SIPA1L1: variants seen among roughly 807,000 people sequenced by gnomAD.
SIPA1L1 encodes the protein signal induced proliferation associated 1 like 1.
A neutral mutation model predicts 162.7 loss-of-function variants in SIPA1L1; 26 were observed. The observed-to-expected ratio is 0.16, with a 90% confidence interval of 0.12 to 0.22. SIPA1L1 has a LOEUF of 0.22. Among genes scored for constraint, SIPA1L1 ranks in the 10% least tolerant of loss-of-function variants. The pLI is 1.00. For synonymous variants in SIPA1L1, 829 were observed against 837.4 expected (o/e 0.99, Z 0.17); for missense variants, 1,874 against 2,241.0 (o/e 0.84, Z 3.31).
intron 8 of SIPA1L1, among the ~76,000 whole-genome samples, chr14:71,651,266 A>T (rs1040974858): frequency 6.6e-5 from 10 of 152,306 alleles, no homozygotes; most frequent in African/African-American, 2.4e-4. Context: ...TCATCCATAG[A>T]CACCTGTGAC....
In SIPA1L1 at chr14:71,740,755, G is replaced by A. The variant is rs1337045533; in HGVS notation, c.*1594G>A. 4 of 151,928 alleles carry A rather than the reference G, an allele frequency of 2.6e-5. No homozygotes were observed. The highest frequency in any genetic ancestry group is 2.1e-4 in the South Asian group (1 of 4,810). The allele number at this position is 151,928 out of a possible 1,614,324, so 9.4% of individuals were successfully genotyped here. A position where few individuals can be genotyped will look rare whatever the true frequency, so the allele number is the denominator to read the frequency against. ...TCTATCATGGAAATAGGAAGATTTC[G>A]GAGTGCTTTGTGAAGATTTCAATTG... On this transcript the variant is annotated 3_prime_UTR_variant, in exon 24 of 24. Transcript: ENST00000381232.
intron 3 of SIPA1L1, among the ~76,000 whole-genome samples, chr14:71,524,776 C>T (rs2052695074): frequency 6.6e-6 from 1 of 152,168 alleles, no homozygotes; most frequent in Non-Finnish European, 1.5e-5. Context: ...TGTCCTTGTA[C>T]GTCACACTCT....
Position 71,671,205 on chromosome 14 carries a change from G to A in SIPA1L1, c.2342G>A (p.Arg781Lys). 1 of 1,614,190 alleles carries A rather than the reference G, an allele frequency of 6.2e-7. No homozygotes were observed. The highest frequency in any genetic ancestry group is 8.5e-7 in the Non-Finnish European group (1 of 1,180,040). ...ACTTTCCCTAAGTCAAATGTGTTCAGGGACTTCCTTTTGGCGAAAGTGATT... is the reference window on the plus strand; with the variant it reads ...ACTTTCCCTAAGTCAAATGTGTTCAAGGACTTCCTTTTGGCGAAAGTGATT... ...GVTFPKSNVF[R>K]DFLLAKVINA... The change falls in exon 11 of 24, where the codon AGG (arginine) becomes AAG (lysine). Residue 781 changes from arginine (R) to lysine (K), a missense_variant. Coordinates refer to ENST00000381232, the MANE Select transcript of SIPA1L1 (RefSeq NM_001386936.1).
At chr14:71,591,956 A>C (rs933010278) in intron 5 of SIPA1L1, among the ~76,000 whole-genome samples, 4 of 152,222 alleles carry the variant, frequency 2.6e-5, no homozygotes, top group African/African-American at 9.6e-5. Flanking sequence ...TTTTGTACTC[A>C]TATTTCATCA....
chr14:71,362,648 TC>T (rs1380897418), intron 2 of SIPA1L1, among the ~76,000 whole-genome samples: 1 of 152,210 alleles, frequency 6.6e-6, no homozygotes, highest in African/African-American at 2.4e-5. Context: ...ATTAATTATT[TC>T]CCCCTTTTCA....
At chr14:71,490,464 G>A (rs2049151382) in intron 2 of SIPA1L1, among the ~76,000 whole-genome samples, 1 of 152,100 alleles carries the variant, frequency 6.6e-6, no homozygotes, top group South Asian at 2.1e-4. Context: ...GACTAACTGT[G>A]TCTAAATTTT....
intron 2 of SIPA1L1, among the ~76,000 whole-genome samples, chr14:71,422,336 A>G (rs544200377): frequency 6.6e-6 from 1 of 152,344 alleles, no homozygotes; most frequent in African/African-American, 2.4e-5. Flanking sequence ...CAATACATAT[A>G]ACATCTTAAC....
chr14:71,554,610 T>C (rs1406227625), intron 4 of SIPA1L1, among the ~76,000 whole-genome samples: 1 of 152,164 alleles, frequency 6.6e-6, no homozygotes, highest in Non-Finnish European at 1.5e-5. Flanking sequence ...AACTTCTATA[T>C]TGATAAGAAA....
chr14:71,716,250 C>A (rs1175037649), intron 17 of SIPA1L1, among the ~76,000 whole-genome samples: 4 of 152,144 alleles, frequency 2.6e-5, no homozygotes, highest in African/African-American at 2.4e-5. Context: ...TGGGAGGAGT[C>A]CTCCTTAATC....
chr14:71,502,255 A>AAAAAAAAT (rs67020418), intron 2 of SIPA1L1, among the ~76,000 whole-genome samples: 7 of 97,558 alleles, frequency 7.2e-5, no homozygotes, highest in African/African-American at 3.2e-4. Context: ...AAAAAAAAAA[A>AAAAAAAAT]ATATATATAT....
intron 4 of SIPA1L1, among the ~76,000 whole-genome samples, chr14:71,571,470 T>TA (rs1186490508): frequency 2.6e-5 from 4 of 151,782 alleles, no homozygotes; most frequent in East Asian, 1.9e-4. Context: ...CAGATGATCC[T>TA]AAAAAAAATC....
rs566055345 is a variant in SIPA1L1 at position 71,569,165 on chromosome 14, A to G, written c.-302-18406A>G. 1.2e-4 allele frequency among the ~76,000 whole-genome samples: 19 copies of G among 152,310 alleles called. 1 individual carries two copies. The East Asian group carries it at 3.7e-3, about 29-fold the overall frequency. ...ATAAAAAAAATGTATGAAGACAGGTAAGGGGGAAAGACATAGGAGCAGATT... is the reference window on the plus strand; with the variant it reads ...ATAAAAAAAATGTATGAAGACAGGTGAGGGGGAAAGACATAGGAGCAGATT... On this transcript the variant is annotated intron_variant, in intron 4 of 23. Transcript: ENST00000381232.
chr14:71,657,654 T>C (rs2149196717), intron 8 of SIPA1L1, among the ~76,000 whole-genome samples: 1 of 149,084 alleles, frequency 6.7e-6, no homozygotes. Flanking sequence ...TCAGTGTTAA[T>C]GGTCTTGTTA....
chr14:71,382,812 G>GAAACTAT (rs2040013176), intron 2 of SIPA1L1, among the ~76,000 whole-genome samples: 1 of 152,220 alleles, frequency 6.6e-6, no homozygotes, highest in Non-Finnish European at 1.5e-5. Flanking sequence ...GGAAGACCAA[G>GAAACTAT]ATCAGTAAGA....
At chr14:71,677,906 G>A (rs1460299126) in intron 12 of SIPA1L1, among the ~76,000 whole-genome samples, 3 of 152,138 alleles carry the variant, frequency 2.0e-5, no homozygotes, top group Non-Finnish European at 2.9e-5. Flanking sequence ...GTCAAATAGC[G>A]TGATGCCTCC....
intron 2 of SIPA1L1, among the ~76,000 whole-genome samples, chr14:71,409,139 A>C (rs2042229461): frequency 6.6e-6 from 1 of 152,236 alleles, no homozygotes; most frequent in South Asian, 2.1e-4. Context: ...ATCTGTAAGT[A>C]ATATATTCTT....
intron 2 of SIPA1L1, among the ~76,000 whole-genome samples, chr14:71,332,211 A>G (rs1161983552): frequency 6.6e-6 from 1 of 152,170 alleles, no homozygotes; most frequent in Non-Finnish European, 1.5e-5. Flanking sequence ...GGAGTAATTT[A>G]TTCACTTTTC....
intron 2 of SIPA1L1, among the ~76,000 whole-genome samples, chr14:71,492,991 C>A (rs1373338012): frequency 1.3e-5 from 2 of 152,228 alleles, no homozygotes; most frequent in South Asian, 4.1e-4. Flanking sequence ...TCTGGGATCT[C>A]TTTTACTTAT....
At chr14:71,603,491 C>T (rs1259469133) in intron 5 of SIPA1L1, among the ~76,000 whole-genome samples, 1 of 151,916 alleles carries the variant, frequency 6.6e-6, no homozygotes, top group African/African-American at 2.4e-5. Flanking sequence ...CAGATGCTTA[C>T]TCTGTTATTT....
Sources: allele counts gnomAD v4.1 joint callset (sites outside exome capture counted in the v4.1 genomes callset), GRCh38; gene constraint gnomAD v4.1.1; transcripts MANE v1.5; gene names NCBI Gene and HGNC (gene_info 2026-07-23, HGNC 2026-07-21).